PLEKHB2: variants seen among roughly 807,000 people sequenced by gnomAD.
PLEKHB2 encodes pleckstrin homology domain-containing family B member 2.
In PLEKHB2, 31 loss-of-function variants were observed where a neutral mutation model predicts 36.5. The ratio of observed to expected loss-of-function variants is 0.85; its 90% CI spans 0.64 to 1.15. The LOEUF is 1.15. PLEKHB2 is among the 50% of genes most tolerant of loss of function. PLEKHB2 has a pLI of 0.00. For synonymous variants in PLEKHB2, 119 were observed against 112.0 expected, an observed-to-expected ratio of 1.06 and a Z score of -0.39; for missense variants, 262 against 295.3, an observed-to-expected ratio of 0.89 and a Z score of 0.83.
intron 4 of PLEKHB2, among the ~76,000 whole-genome samples, chr2:131,130,164 C>T (rs1219720295): frequency 6.6e-6 from 1 of 152,132 alleles, no homozygotes; most frequent in Admixed American, 6.5e-5. Context: ...CCACCTCAGC[C>T]TCCCAAGTAG....
At chr2:131,136,183 C>G (rs1347762851) in intron 6 of PLEKHB2, among the ~76,000 whole-genome samples, 4 of 134,350 alleles carry the variant, frequency 3.0e-5, no homozygotes, top group Non-Finnish European at 4.7e-5. Context: ...CTCCCTCCCT[C>G]TCTCCTTTCC....
rs1284328716 is a variant in PLEKHB2, at chr2:131,142,271, AAC to A, written c.532+1998_532+1999del. ...GTTATAATGAAACTACATTAAATGA[AAC>A]AGTGTTATTTGAGGACCTCCTGTAC... On this transcript the variant is annotated intron_variant, in intron 7 of 7. Coordinates refer to ENST00000693505, the MANE Select transcript of PLEKHB2 (RefSeq NM_001100623.2). Among the ~76,000 whole-genome samples the A allele has an allele frequency of 2.6e-5, 4 of 152,236 alleles. No homozygotes were observed. The East Asian group carries it at 7.7e-4, about 29-fold the overall frequency.
chr2:131,113,961 A>G (rs150962599), intron 1 of PLEKHB2, among the ~76,000 whole-genome samples: 2,940 of 152,194 alleles, frequency 0.019, 42 homozygotes, highest in Non-Finnish European at 0.032. Context: ...TTTATGTGGC[A>G]GGAGTTGGCT....
chr2:131,117,375 G>C (rs116738307), intron 1 of PLEKHB2, among the ~76,000 whole-genome samples: 9 of 152,046 alleles, frequency 5.9e-5, no homozygotes, highest in Admixed American at 5.9e-4. Context: ...TGCAGCGAGC[G>C]GAGATCATTG....
intron 1 of PLEKHB2, among the ~76,000 whole-genome samples, chr2:131,117,677 A>C (rs1042904276): frequency 2.0e-5 from 3 of 152,158 alleles, no homozygotes; most frequent in African/African-American, 7.2e-5. Context: ...GTATGAATAT[A>C]AATATCTAGG....
At chr2:131,138,684 A>G (rs911412237) in intron 6 of PLEKHB2, among the ~76,000 whole-genome samples, 10 of 152,094 alleles carry the variant, frequency 6.6e-5, no homozygotes, top group African/African-American at 2.4e-4. Context: ...GAGAAGAGGA[A>G]AGGCTCTTTC....
intron 5 of PLEKHB2, 74 bp downstream of exon 5, chr2:131,130,834 GC>G: frequency 3.7e-6 from 4 of 1,068,518 alleles, no homozygotes; most frequent in African/African-American, 1.6e-5. Flanking sequence ...AGGCTTGAGT[GC>G]AGTGGTGCTG....
chr2:131,136,891 C>CT (rs1377517107), intron 6 of PLEKHB2, among the ~76,000 whole-genome samples: 1 of 148,784 alleles, frequency 6.7e-6, no homozygotes, highest in Non-Finnish European at 1.5e-5. Context: ...TTGGAGATTT[C>CT]TTTTTTGGGA....
chr2:131,126,018 C>T, intron 3 of PLEKHB2, 113 bp downstream of exon 3: 1 of 1,078,826 alleles, frequency 9.3e-7, no homozygotes, highest in South Asian at 1.6e-5. Context: ...AAGAAGGGCT[C>T]CATCTCAGAG....
Position 131,120,562 on chromosome 2 carries a change from T to TG in PLEKHB2, c.-8-370dup, listed in dbSNP as rs773739792. 5.4e-5 allele frequency: 17 copies of TG among 313,144 alleles called. 1 individual carries two copies. Among genetic ancestry groups the TG allele is most frequent in the Non-Finnish European group, 9.2e-5 (15 of 163,078 alleles). 19.4% of individuals were successfully genotyped at this position (313,144 alleles called of 1,614,324 possible). ...GTGCAGCACCCCTGCCTGGGCCATG[T>TG]GGACCCCACTGGGAACGCCAAATGT... is the stretch of plus-strand genomic sequence containing the variant. On this transcript the variant is annotated intron_variant, in intron 1 of 7. Transcript: ENST00000693505.
chr2:131,114,953 C>T (rs913478579), intron 1 of PLEKHB2, among the ~76,000 whole-genome samples: 9 of 152,148 alleles, frequency 5.9e-5, no homozygotes, highest in South Asian at 4.1e-4. Context: ...AGTAGCATTC[C>T]GCTGTACTGG....
intron 1 of PLEKHB2, among the ~76,000 whole-genome samples, chr2:131,113,200 AG>A (rs1695503783): frequency 6.6e-6 from 1 of 151,744 alleles, no homozygotes; most frequent in Admixed American, 6.6e-5. Context: ...CTCTTACCTC[AG>A]CCCCCCAGTA....
intron 6 of PLEKHB2, among the ~76,000 whole-genome samples, chr2:131,139,646 T>C (rs1355028208): frequency 1.3e-5 from 2 of 152,204 alleles, no homozygotes; most frequent in Non-Finnish European, 2.9e-5. Flanking sequence ...TGTCTTTTCA[T>C]AGGTGTGTGC....
At chr2:131,115,115 G>A (rs1695726175) in intron 1 of PLEKHB2, among the ~76,000 whole-genome samples, 1 of 152,162 alleles carries the variant, frequency 6.6e-6, no homozygotes, top group Non-Finnish European at 1.5e-5. Flanking sequence ...GAGGAACAAA[G>A]TCATGTCTTA....
At chr2:131,131,576 ATT>A (rs1697687808) in intron 5 of PLEKHB2, among the ~76,000 whole-genome samples, 1 of 151,848 alleles carries the variant, frequency 6.6e-6, no homozygotes, top group Admixed American at 6.6e-5. Context: ...TCTCTCCTTT[ATT>A]AATCTGTAAG....
In PLEKHB2 at chr2:131,122,923, G is replaced by A. The variant is rs78626447; in HGVS notation, c.37+1945G>A. ...CAGGGGACATGGGGACCCTTGCTCA[G>A]ACCTTGAGGGTGTGCCCTCCTTTGG... On this transcript the variant is annotated intron_variant, in intron 2 of 7. Coordinates refer to ENST00000693505, the MANE Select transcript of PLEKHB2 (RefSeq NM_001100623.2). Among the ~76,000 whole-genome samples, 567 of 152,294 alleles carry A rather than the reference G, an allele frequency of 3.7e-3. 1 individual carries two copies. Among genetic ancestry groups the A allele is most frequent in the African/African-American group, 0.012 (510 of 41,552 alleles).
At position 131,146,676 on chromosome 2, in the gene PLEKHB2, G is replaced by A. The variant is rs555416345; in HGVS notation, c.572G>A (p.Arg191Gln). ...GQQPANQVII[R>Q]ERYRDNDSDL... ...CAGCCTGCTAACCAAGTCATCATTC[G>A]AGAGCGCTATCGAGACAACGACAGC... The change falls in exon 8 of 8, where the codon CGA becomes CAA. Residue 191 changes from arginine (R) to glutamine (Q), a missense_variant. Transcript: ENST00000693505. The A allele has an allele frequency of 3.8e-5, 62 of 1,613,808 alleles. 2 individuals are homozygous for A. The South Asian group carries it at 6.2e-4, about 16-fold the overall frequency.
intron 7 of PLEKHB2, among the ~76,000 whole-genome samples, chr2:131,144,152 T>C (rs764380951): frequency 4.6e-5 from 7 of 152,102 alleles, no homozygotes; most frequent in Non-Finnish European, 8.8e-5. Context: ...TCTGCCAGGG[T>C]CTCACTGCCT....
At chr2:131,109,075 G>C (rs1404511422) in intron 1 of PLEKHB2, among the ~76,000 whole-genome samples, 3 of 152,274 alleles carry the variant, frequency 2.0e-5, no homozygotes, top group East Asian at 1.9e-4. Context: ...GCTCATACCT[G>C]TAATCCCAGA....
Sources: allele counts gnomAD v4.1 joint callset (sites outside exome capture counted in the v4.1 genomes callset), GRCh38; gene constraint gnomAD v4.1.1; transcripts MANE v1.5; gene names NCBI Gene and HGNC (gene_info 2026-07-23, HGNC 2026-07-21).